The following ANO1 variants were observed in gnomAD, a reference collection of about 807,000 sequenced individuals.
The protein encoded by ANO1 is anoctamin-1.
Under a neutral mutation model 124.0 loss-of-function variants are expected in ANO1, and 59 were observed. The observed-to-expected ratio is 0.48, with a 90% confidence interval of 0.39 to 0.59. ANO1 has a LOEUF of 0.59. Ranked by LOEUF, ANO1 falls within the 20% of genes least tolerant of loss-of-function variation. The pLI, the probability that ANO1 is intolerant of heterozygous loss-of-function variation, is 0.00. For missense variants in ANO1, 1,059 were observed against 1,328.0 expected, an observed-to-expected ratio of 0.80 and a Z score of 3.15; for synonymous variants, 529 against 532.0, an observed-to-expected ratio of 0.99 and a Z score of 0.08.
intron 1 of ANO1, among the ~76,000 whole-genome samples, chr11:70,052,018 C>G (rs575797988): frequency 2.6e-5 from 4 of 152,180 alleles, no homozygotes; most frequent in African/African-American, 9.7e-5. Flanking sequence ...TTATGGTTGG[C>G]CTTTTTGCAT....
At chr11:70,020,222 G>T (rs1856776481) in intron 1 of ANO1, among the ~76,000 whole-genome samples, 1 of 152,202 alleles carries the variant, frequency 6.6e-6, no homozygotes, top group South Asian at 2.1e-4. Flanking sequence ...GTCTGATAGC[G>T]AAAGCTTGGG....
chr11:70,152,460 A>G lies in ANO1; in HGVS notation c.1352A>G (p.Lys451Arg). 1 of 1,612,852 alleles carries G rather than the reference A, an allele frequency of 6.2e-7. No homozygotes were observed. The highest frequency in any genetic ancestry group is 8.5e-7 in the Non-Finnish European group (1 of 1,179,390). Residue 451 changes from lysine (K) to arginine (R), a missense_variant and splice_region_variant, in exon 13 of 26, where the codon AAG becomes AGG. Transcript: ENST00000355303. The stretch of plus-strand genomic sequence containing the variant: ...TCTGGTTCCCTGAAGGAGGCTGTCA[A>G]GGTTTGGAACTTTTTGTCGCTCCTC... ...TGFEEEEEAVKDHPRAEYEAR... is the reference protein window; with the variant it reads ...TGFEEEEEAVRDHPRAEYEAR...
chr11:69,993,625 A>T (rs1420015325), intron 1 of ANO1, among the ~76,000 whole-genome samples: 1 of 152,150 alleles, frequency 6.6e-6, no homozygotes, highest in Non-Finnish European at 1.5e-5. Flanking sequence ...TGTGGGCACC[A>T]CTGTATCCTT....
chr11:70,012,751 C>G (rs1856623305), intron 1 of ANO1, among the ~76,000 whole-genome samples: 1 of 152,214 alleles, frequency 6.6e-6, no homozygotes, highest in Non-Finnish European at 1.5e-5. Flanking sequence ...TTTCATCTAT[C>G]TATTCGTCCA....
chr11:70,181,005 A>G (rs1411635259), intron 23 of ANO1, among the ~76,000 whole-genome samples: 1 of 151,856 alleles, frequency 6.6e-6, no homozygotes, highest in Non-Finnish European at 1.5e-5. Context: ...AGCCTTCCCC[A>G]TCGGGGTCTG....
chr11:70,109,766 T>G (rs1451289733), intron 6 of ANO1, among the ~76,000 whole-genome samples: 1 of 152,178 alleles, frequency 6.6e-6, no homozygotes, highest in African/African-American at 2.4e-5. Context: ...GTCCAGCGTC[T>G]TCAGGCTGCA....
intron 14 of ANO1, among the ~76,000 whole-genome samples, chr11:70,154,238 T>A (rs1590872002): frequency 6.6e-6 from 1 of 152,212 alleles, no homozygotes; most frequent in South Asian, 2.1e-4. Context: ...ACTTTCAGCC[T>A]TGGGGACTGA....
At chr11:70,182,438 T>C in intron 23 of ANO1, 64 bp from the exon 24 acceptor site, 1 of 1,376,950 alleles carries the variant, frequency 7.3e-7, no homozygotes, top group East Asian at 2.6e-5. Context: ...GGTCACCCCC[T>C]GTTGCGGCCG....
chr11:70,021,534 G>C (rs1384164647), intron 1 of ANO1, among the ~76,000 whole-genome samples: 2 of 151,714 alleles, frequency 1.3e-5, no homozygotes, highest in African/African-American at 4.8e-5. Context: ...GGAAAATAAA[G>C]TGTATTTTTA....
chr11:70,089,864 CT>C (rs1305069956), intron 2 of ANO1, among the ~76,000 whole-genome samples: 14 of 152,216 alleles, frequency 9.2e-5, no homozygotes, highest in Admixed American at 9.2e-4. Context: ...AGCATGTCAA[CT>C]TAGAACTGGA....
chr11:70,131,171 T>A (rs1590816779), intron 10 of ANO1, among the ~76,000 whole-genome samples: 1 of 152,078 alleles, frequency 6.6e-6, no homozygotes, highest in Admixed American at 6.5e-5. Flanking sequence ...TGCCTCAGGG[T>A]CACCCCAGAG....
chr11:70,140,407 T>C (rs2047109422), intron 11 of ANO1, among the ~76,000 whole-genome samples: 1 of 152,036 alleles, frequency 6.6e-6, no homozygotes, highest in African/African-American at 2.4e-5. Flanking sequence ...GGCAGGTACC[T>C]GTAATCCCAG....
In ANO1 at chr11:70,177,708, T is replaced by C. The variant is rs545508212; in HGVS notation, c.2351-2296T>C. On this transcript the variant is annotated intron_variant, in intron 22 of 25. Transcript: ENST00000355303. ...TCCGCCCCCCGGGTTCAAGCGATTC[T>C]CCTGCCTCAGCCTCCTGAGTAGCTG... Among the ~76,000 whole-genome samples the C allele has an allele frequency of 2.1e-5, 3 of 140,716 alleles. No homozygotes were observed. The East Asian group carries it at 7.1e-4, about 34-fold the overall frequency. 92.3% of individuals were successfully genotyped at this position (140,716 alleles called of 152,430 possible).
intron 1 of ANO1, chr11:70,064,439 T>G (rs1408463958): frequency 2.6e-5 from 4 of 152,258 alleles, no homozygotes; most frequent in African/African-American, 9.7e-5. Flanking sequence ...TTAGTCCTGT[T>G]TTTGCCCTGA....
At chr11:70,046,881 C>A (rs1555005712) in intron 1 of ANO1, among the ~76,000 whole-genome samples, 1 of 151,900 alleles carries the variant, frequency 6.6e-6, no homozygotes, top group African/African-American at 2.4e-5. Flanking sequence ...CAAGACCAGC[C>A]TGGCCAACAC....
Position 69,993,261 on chromosome 11 carries a change from A to G in ANO1, c.58+7095A>G, listed in dbSNP as rs192739311. On this transcript the variant is annotated intron_variant, in intron 1 of 27. Transcript: ENST00000531349. ...TCTTTCCCTTTTACACTTAATCAGA[A>G]TTATTTCTGCCCACATATGGCCTCT... Among the ~76,000 whole-genome samples the G allele has an allele frequency of 2.0e-3, 310 of 152,296 alleles. 2 individuals are homozygous for G. Among genetic ancestry groups the G allele is most frequent in the African/African-American group, 7.0e-3 (291 of 41,538 alleles).
chr11:70,002,318 G>T (rs1241215103), intron 1 of ANO1, among the ~76,000 whole-genome samples: 1 of 151,698 alleles, frequency 6.6e-6, no homozygotes, highest in Non-Finnish European at 1.5e-5. Context: ...ACAAAAATTA[G>T]CCAGGCATGG....
chr11:70,010,138 T>A (rs952539306), intron 1 of ANO1, among the ~76,000 whole-genome samples: 3 of 48,320 alleles, frequency 6.2e-5, no homozygotes, highest in African/African-American at 1.4e-4. Flanking sequence ...TTCCATGGTG[T>A]GTGTGTGTGT....
intron 1 of ANO1, among the ~76,000 whole-genome samples, chr11:69,994,734 T>G (rs1199001240): frequency 1.3e-5 from 2 of 152,196 alleles, no homozygotes; most frequent in Non-Finnish European, 2.9e-5. Context: ...TCAGCTTGCA[T>G]GTTACATTTC....
Sources: allele counts gnomAD v4.1 joint callset (sites outside exome capture counted in the v4.1 genomes callset), GRCh38; gene constraint gnomAD v4.1.1; transcripts MANE v1.5; gene names NCBI Gene and HGNC (gene_info 2026-07-23, HGNC 2026-07-21).